Variants in DACH2 observed in about 807,000 individuals in gnomAD.
The protein encoded by DACH2 is dachshund family transcription factor 2.
DACH2 carries 17 observed loss-of-function variants against 35.8 expected under a neutral mutation model. The observed-to-expected ratio is 0.48, with a 90% CI of 0.33 to 0.71. The LOEUF (loss-of-function observed/expected upper bound fraction) is 0.71, where lower values mean the gene tolerates loss of function less well. Among genes scored for constraint, DACH2 ranks in the 30% least tolerant of loss-of-function variants. DACH2 has a pLI of 0.02. For synonymous variants in DACH2, 195 were observed against 177.3 expected (o/e 1.10, Z -0.79); for missense variants, 469 against 472.7 (o/e 0.99, Z 0.07).
intron 2 of DACH2, among the ~76,000 whole-genome samples, chrX:86,500,745 C>T (rs1187323840): frequency 1.8e-5 from 2 of 111,688 alleles, no homozygotes; most frequent in African/African-American, 3.3e-5. Flanking sequence ...AGACTATATG[C>T]TTTCAGGTTA....
At chrX:86,417,150 T>C (rs1331611191) in intron 2 of DACH2, among the ~76,000 whole-genome samples, 2 of 84,160 alleles carry the variant, frequency 2.4e-5, no homozygotes, top group Non-Finnish European at 4.5e-5. Flanking sequence ...CACTAATAGA[T>C]CAAGAAGACA....
chrX:86,460,209 T>G (rs1195005012), intron 2 of DACH2, among the ~76,000 whole-genome samples: 1 of 110,976 alleles, frequency 9.0e-6, no homozygotes, highest in Non-Finnish European at 1.9e-5. Flanking sequence ...TTAGCAAATA[T>G]TTTGGAAAAA....
chrX:86,400,327 A>G (rs1476251202), intron 2 of DACH2, among the ~76,000 whole-genome samples: 1 of 110,496 alleles, frequency 9.1e-6, no homozygotes, highest in East Asian at 2.9e-4. Context: ...ATTGGTTCAA[A>G]CTTCCTCCTT....
chrX:86,671,606 C>T lies in DACH2; in HGVS notation c.772+20439C>T, dbSNP rs780333343. 4.3e-4 allele frequency among the ~76,000 whole-genome samples: 48 copies of T among 111,684 alleles called. No homozygotes were observed. The South Asian group carries it at 0.016, about 38-fold the overall frequency. On this transcript the variant is annotated intron_variant, in intron 4 of 11. Transcript: ENST00000373125. ...GCCTGCTTCCTTCCCCTTTGCCTTC[C>T]GCCATGATTGTAAGTTTCCTGAGAC...
chrX:86,518,452 C>G (rs1341319579), intron 3 of DACH2, among the ~76,000 whole-genome samples: 3 of 111,818 alleles, frequency 2.7e-5, no homozygotes, highest in Non-Finnish European at 3.8e-5. Flanking sequence ...GGTAGTCTGA[C>G]AGGAATAGTA....
At chrX:86,666,778 C>T (rs2040674563) in intron 4 of DACH2, among the ~76,000 whole-genome samples, 1 of 111,447 alleles carries the variant, frequency 9.0e-6, no homozygotes, top group Admixed American at 9.5e-5. Flanking sequence ...AGGTAAGATG[C>T]CCATTTAGTT....
At chrX:86,346,937 C>T (rs1038759210) in intron 1 of DACH2, among the ~76,000 whole-genome samples, 2 of 111,522 alleles carry the variant, frequency 1.8e-5, no homozygotes, top group Non-Finnish European at 3.8e-5. Context: ...ATTTTATGCT[C>T]TAAAAGTTTA....
intron 2 of DACH2, among the ~76,000 whole-genome samples, chrX:86,478,689 T>G (rs1376227798): frequency 9.1e-6 from 1 of 109,454 alleles, no homozygotes; most frequent in African/African-American, 3.3e-5. Context: ...GGGTTTGTCT[T>G]GCTTCTTTGA....
intron 7 of DACH2, among the ~76,000 whole-genome samples, chrX:86,766,012 C>G (rs183244388): frequency 7.3e-5 from 8 of 110,026 alleles, no homozygotes; most frequent in South Asian, 7.7e-4. Flanking sequence ...TATTTCTTCC[C>G]TCTATGACTT....
intron 2 of DACH2, among the ~76,000 whole-genome samples, chrX:86,495,314 TC>T (rs2038153811): frequency 9.1e-6 from 1 of 110,229 alleles, no homozygotes; most frequent in Middle Eastern, 4.7e-3. Context: ...CGCCTCGGTT[TC>T]CCAAAGTGCT....
intron 3 of DACH2, among the ~76,000 whole-genome samples, chrX:86,524,300 A>G (rs781545766): frequency 8.9e-6 from 1 of 112,332 alleles, no homozygotes; most frequent in South Asian, 3.6e-4. Context: ...TCCTTGGATG[A>G]GAGGAGTGAA....
intron 1 of DACH2, among the ~76,000 whole-genome samples, chrX:86,245,291 T>A (rs2033254979): frequency 9.0e-6 from 1 of 111,672 alleles, no homozygotes; most frequent in African/African-American, 3.3e-5. Context: ...TGCAAGTGCA[T>A]GCTTGCATTC....
intron 3 of DACH2, among the ~76,000 whole-genome samples, chrX:86,593,387 A>G (rs889654762): frequency 7.7e-5 from 7 of 90,896 alleles, no homozygotes; most frequent in Admixed American, 4.4e-4. Context: ...TAATTCTTTC[A>G]TATATATATT....
At chrX:86,184,212 ATTTT>A in intron 1 of DACH2, 5 of 165,969 alleles carry the variant, frequency 3.0e-5, no homozygotes, top group South Asian at 7.1e-5. Context: ...TAGTCTTCTG[ATTTT>A]TTTTTTTTTT....
intron 3 of DACH2, among the ~76,000 whole-genome samples, chrX:86,645,881 C>A (rs2040409066): frequency 1.8e-5 from 2 of 110,285 alleles, no homozygotes; most frequent in African/African-American, 6.6e-5. Flanking sequence ...AAGGGAACAG[C>A]AGACACTGAG....
At chrX:86,705,024 A>T (rs1006590795) in intron 5 of DACH2, among the ~76,000 whole-genome samples, 15 of 38,806 alleles carry the variant, frequency 3.9e-4, no homozygotes, top group Non-Finnish European at 2.6e-4. Context: ...GGATACAGAA[A>T]TTGTTATATA....
chrX:86,373,859 T>C (rs1038609756), intron 1 of DACH2, among the ~76,000 whole-genome samples: 1 of 111,881 alleles, frequency 8.9e-6, no homozygotes, highest in African/African-American at 3.2e-5. Context: ...AAAACTTGAC[T>C]GTATCTTTAA....
At chrX:86,577,969 C>T (rs1172248195) in intron 3 of DACH2, among the ~76,000 whole-genome samples, 2 of 111,732 alleles carry the variant, frequency 1.8e-5, no homozygotes, top group Non-Finnish European at 3.8e-5. Context: ...TTTGTAATAT[C>T]CTTTATAATA....
chrX:86,449,790 C>T (rs1225889567), intron 2 of DACH2, among the ~76,000 whole-genome samples: 1 of 111,349 alleles, frequency 9.0e-6, no homozygotes, highest in Non-Finnish European at 1.9e-5. Flanking sequence ...AATCCCTCCC[C>T]CAGCTTGAAT....
Sources: gnomAD v4.1 joint callset for allele counts (sites outside exome capture counted in the v4.1 genomes callset) on GRCh38, gnomAD v4.1.1 for gene constraint, MANE v1.5 for transcripts, NCBI Gene and HGNC (gene_info 2026-07-23, HGNC 2026-07-21) for gene names.